Variants in STOX1 observed in about 807,000 individuals in gnomAD.
The protein encoded by STOX1 is storkhead box 1, also known as storkhead-box protein 1.
A neutral mutation model predicts 74.8 loss-of-function variants in STOX1; 57 were observed. The observed-to-expected ratio is 0.76, with a 90% CI of 0.62 to 0.95. STOX1 has a LOEUF of 0.95. Ranked by LOEUF, STOX1 falls within the 40% of genes least tolerant of loss-of-function variation. The pLI is 0.00. For missense variants in STOX1, 1,010 were observed against 1,117.0 expected (o/e 0.90, Z 1.37); for synonymous variants, 375 against 401.3 (o/e 0.93, Z 0.78).
At chr10:68,883,683 G>A (rs1277134918) in intron 2 of STOX1, among the ~76,000 whole-genome samples, 1 of 151,270 alleles carries the variant, frequency 6.6e-6, no homozygotes, top group Non-Finnish European at 1.5e-5. Context: ...CAAAGTGCTG[G>A]GATTACAGGT....
intron 1 of STOX1, among the ~76,000 whole-genome samples, chr10:68,876,429 T>C (rs181345211): frequency 4.7e-4 from 72 of 152,156 alleles, no homozygotes; most frequent in African/African-American, 1.5e-3. Flanking sequence ...GTGCTGGGAT[T>C]ACAGGCATGA....
At chr10:68,873,291 C>T (rs191686288) in intron 1 of STOX1, among the ~76,000 whole-genome samples, 22 of 138,684 alleles carry the variant, frequency 1.6e-4, no homozygotes, top group African/African-American at 5.5e-4. Flanking sequence ...GACGGAGTCT[C>T]GCTCTGTCAC....
chr10:68,871,624 T>G (rs1021111926), intron 1 of STOX1, among the ~76,000 whole-genome samples: 6 of 152,250 alleles, frequency 3.9e-5, no homozygotes, highest in Middle Eastern at 3.2e-3. Context: ...CCCTTAGATC[T>G]GCAGCCAGCT....
chr10:68,864,070 A>G (rs7088802), intron 1 of STOX1, among the ~76,000 whole-genome samples: 42,831 of 151,698 alleles, frequency 0.28, 6,564 homozygotes, highest in African/African-American at 0.39. Context: ...GACTATAGGC[A>G]CCCGCCACCG....
chr10:68,839,415 G>T (rs151281790), intron 1 of STOX1, among the ~76,000 whole-genome samples: 1 of 151,952 alleles, frequency 6.6e-6, no homozygotes, highest in Admixed American at 6.6e-5. Flanking sequence ...TAGAGACAGG[G>T]TCTCGCTCTT....
intron 1 of STOX1, among the ~76,000 whole-genome samples, chr10:68,849,397 C>T (rs980110581): frequency 2.0e-5 from 3 of 152,132 alleles, no homozygotes; most frequent in Non-Finnish European, 4.4e-5. Flanking sequence ...CCGAACTCTT[C>T]CGATTATTTA....
At chr10:68,880,164 C>CTTTTTTTTTTTTTT (rs71028800) in intron 1 of STOX1, among the ~76,000 whole-genome samples, 122 of 124,426 alleles carry the variant, frequency 9.8e-4, no homozygotes, top group African/African-American at 1.7e-3. Flanking sequence ...TCTTTCTTTC[C>CTTTTTTTTTTTTTT]TTTTTTTTTT....
rs557837889 is a variant in STOX1, at chr10:68,868,955, C to G, written c.311-13003C>G. On this transcript the variant is annotated intron_variant, in intron 1 of 3. Transcript: ENST00000298596. ...AGAGCTGAGGTCACTAATTAATACT[C>G]AAAGAGGGTACACTGACAGTAAGTG... Among the ~76,000 whole-genome samples, 16 of 152,292 alleles carry G rather than the reference C, an allele frequency of 1.1e-4. No individual in the cohort carries two copies. In the East Asian group the frequency reaches 3.1e-3, roughly 29 times the overall value.
intron 3 of STOX1, among the ~76,000 whole-genome samples, chr10:68,888,627 A>ATTTTTT (rs747038041): frequency 1.7e-4 from 18 of 107,832 alleles, no homozygotes; most frequent in African/African-American, 4.2e-4. Flanking sequence ...CTTTGCCAGT[A>ATTTTTT]TTTTTTTTTT....
chr10:68,862,767 T>G lies in STOX1; in HGVS notation c.311-19191T>G, dbSNP rs986392280. ...TGAGAGGTGCAGTTTATGCTAAACATCTCCTTAGGGGACCAATCAATAATG... is the reference window on the plus strand; with the variant it reads ...TGAGAGGTGCAGTTTATGCTAAACAGCTCCTTAGGGGACCAATCAATAATG... On this transcript the variant is annotated intron_variant, in intron 1 of 3. Coordinates refer to ENST00000298596, the MANE Select transcript of STOX1 (RefSeq NM_152709.5). 2.0e-5 allele frequency among the ~76,000 whole-genome samples: 3 copies of G among 152,088 alleles called. No homozygotes were observed. In the South Asian group the frequency reaches 6.2e-4, roughly 32 times the overall value.
intron 1 of STOX1, among the ~76,000 whole-genome samples, chr10:68,868,838 T>C (rs1840468622): frequency 6.6e-6 from 1 of 152,218 alleles, no homozygotes; most frequent in African/African-American, 2.4e-5. Flanking sequence ...CTGATATCAG[T>C]AGAAGAACTG....
rs541834395 is a variant in STOX1 at position 68,892,820 on chromosome 10, A to G, written c.*84A>G. On this transcript the variant is annotated 3_prime_UTR_variant, in exon 4 of 4. Coordinates refer to ENST00000298596, the MANE Select transcript of STOX1 (RefSeq NM_152709.5). ...TTTCAATCATGTAAGAATTGAGTAT[A>G]TAAGAATTGTCTAAAGGCAAGCATA... The G allele has an allele frequency of 4.6e-4, 664 of 1,440,790 alleles. No homozygotes were observed. The highest frequency in any genetic ancestry group is 6.1e-4 in the Non-Finnish European group (629 of 1,038,986). 89.3% of individuals were successfully genotyped at this position (1,440,790 alleles called of 1,614,324 possible).
At position 68,867,235 on chromosome 10, in the gene STOX1, G is replaced by A. The variant is rs150702301; in HGVS notation, c.311-14723G>A. Among the ~76,000 whole-genome samples the A allele has an allele frequency of 8.1e-3, 1,234 of 152,140 alleles. 14 individuals are homozygous for A. The highest frequency in any genetic ancestry group is 0.028 in the African/African-American group (1,158 of 41,502). ...GCTGGGATTACAGGTGTGAGCCACC[G>A]TGCCTGGCCCAATGCTTTCCTTTTT... On this transcript the variant is annotated intron_variant, in intron 1 of 3. Coordinates refer to ENST00000298596, the MANE Select transcript of STOX1 (RefSeq NM_152709.5).
chr10:68,862,627 C>T (rs1840289195), intron 1 of STOX1, among the ~76,000 whole-genome samples: 1 of 151,982 alleles, frequency 6.6e-6, no homozygotes, highest in Non-Finnish European at 1.5e-5. Context: ...GTTGAGGTGC[C>T]ACTATACTGC....
Position 68,881,958 on chromosome 10 carries a change from G to T in STOX1, c.311G>T (p.Gly104Val), listed in dbSNP as rs527445195. 6 of 1,613,200 alleles carry T rather than the reference G, an allele frequency of 3.7e-6. No homozygotes were observed. In the East Asian group the frequency reaches 6.7e-5, roughly 18 times the overall value. Residue 104 changes from glycine (G) to valine (V), a missense_variant and splice_region_variant, in exon 2 of 4, where the codon GGT becomes GTT. Transcript: ENST00000298596. Reference protein sequence around the residue: ...PPRGFRIRAVGDVFPVQMNPI... With the variant: ...PPRGFRIRAVVDVFPVQMNPI... ...CCTTTTTTTTAAATCTCCAATTTAG[G>T]TGATGTCTTTCCAGTGCAAATGAAT...
At chr10:68,847,922 G>A (rs1316676719) in intron 1 of STOX1, among the ~76,000 whole-genome samples, 3 of 152,094 alleles carry the variant, frequency 2.0e-5, no homozygotes, top group Non-Finnish European at 4.4e-5. Flanking sequence ...GTAGAGACGG[G>A]GTTTCTCCAT....
chr10:68,871,057 C>G (rs2131976583), intron 1 of STOX1, among the ~76,000 whole-genome samples: 1 of 152,280 alleles, frequency 6.6e-6, no homozygotes, highest in South Asian at 2.1e-4. Flanking sequence ...TGAACATATC[C>G]AGGGTGGAAG....
chr10:68,831,786 T>C (rs756056731), intron 1 of STOX1, among the ~76,000 whole-genome samples: 55 of 152,166 alleles, frequency 3.6e-4, no homozygotes, highest in Non-Finnish European at 6.9e-4. Flanking sequence ...CTCTCTACCT[T>C]ACCTTTCCTC....
chr10:68,862,688 A>G (rs550147668), intron 1 of STOX1, among the ~76,000 whole-genome samples: 14 of 152,190 alleles, frequency 9.2e-5, no homozygotes, highest in South Asian at 2.1e-4. Flanking sequence ...CATTTCTGCT[A>G]TCTGATCGTT....
Sources: gnomAD v4.1 joint callset for allele counts (sites outside exome capture counted in the v4.1 genomes callset) on GRCh38, gnomAD v4.1.1 for gene constraint, MANE v1.5 for transcripts, NCBI Gene and HGNC (gene_info 2026-07-23, HGNC 2026-07-21) for gene names.